Variants in MOB3B observed in about 807,000 individuals in gnomAD.
The protein encoded by MOB3B is MOB kinase activator-like 2B.
Under a neutral mutation model 18.7 loss-of-function variants are expected in MOB3B, and 7 were observed. That is an observed-to-expected ratio of 0.37 (90% confidence interval 0.21 to 0.70). The LOEUF is 0.70. Among genes scored for constraint, MOB3B ranks in the 30% least tolerant of loss-of-function variants. The pLI is 0.52. For synonymous variants in MOB3B, 111 were observed against 99.9 expected, an observed-to-expected ratio of 1.11 and a Z score of -0.66; for missense variants, 253 against 281.3, an observed-to-expected ratio of 0.90 and a Z score of 0.72.
At chr9:27,499,058 A>C (rs982481939) in intron 1 of MOB3B, among the ~76,000 whole-genome samples, 8 of 152,242 alleles carry the variant, frequency 5.3e-5, no homozygotes, top group Non-Finnish European at 8.8e-5. Flanking sequence ...AAGAACCATG[A>C]ATTTAAATTC....
At chr9:27,496,962 T>C (rs1460646521) in intron 1 of MOB3B, among the ~76,000 whole-genome samples, 1 of 152,248 alleles carries the variant, frequency 6.6e-6, no homozygotes, top group African/African-American at 2.4e-5. Context: ...CGATGGTTAA[T>C]ATGGCCCACA....
intron 2 of MOB3B, among the ~76,000 whole-genome samples, chr9:27,444,291 G>T (rs1360821209): frequency 7.9e-6 from 1 of 126,056 alleles, no homozygotes; most frequent in Non-Finnish European, 1.7e-5. Flanking sequence ...AGGGAGGGAA[G>T]GAAGGAAGGA....
chr9:27,366,586 G>C (rs1275838188), intron 2 of MOB3B, among the ~76,000 whole-genome samples: 2 of 152,196 alleles, frequency 1.3e-5, no homozygotes, highest in Non-Finnish European at 2.9e-5. Context: ...GGTTGACGAA[G>C]GTCCAGGAGA....
chr9:27,328,515 A>G lies in MOB3B; in HGVS notation c.*2072T>C, dbSNP rs998000488. The G allele has an allele frequency of 2.6e-5, 4 of 152,248 alleles. No individual in the cohort carries two copies. Among genetic ancestry groups the G allele is most frequent in the African/African-American group, 9.6e-5 (4 of 41,466 alleles). 9.4% of individuals were successfully genotyped at this position (152,248 alleles called of 1,614,324 possible). ...AGATTTGGATTTTTAAATTGAGTGGAAATTTCATATGCACAGTTAATAAAA... is the reference window on the plus strand; with the variant it reads ...AGATTTGGATTTTTAAATTGAGTGGGAATTTCATATGCACAGTTAATAAAA... On this transcript the variant is annotated 3_prime_UTR_variant, in exon 4 of 4. Coordinates refer to ENST00000262244, the MANE Select transcript of MOB3B (RefSeq NM_024761.5).
chr9:27,411,133 G>A (rs1476292925), intron 2 of MOB3B, among the ~76,000 whole-genome samples: 2 of 152,178 alleles, frequency 1.3e-5, no homozygotes, highest in Admixed American at 6.6e-5. Context: ...ATACAATGAT[G>A]TATCCCTAGA....
intron 2 of MOB3B, among the ~76,000 whole-genome samples, chr9:27,440,630 A>G (rs1563869244): frequency 6.6e-6 from 1 of 152,278 alleles, no homozygotes; most frequent in East Asian, 1.9e-4. Flanking sequence ...CAATTTTAAG[A>G]TATTTTCTGT....
intron 3 of MOB3B, among the ~76,000 whole-genome samples, chr9:27,332,401 G>A (rs1007051108): frequency 6.6e-6 from 1 of 152,240 alleles, no homozygotes; most frequent in African/African-American, 2.4e-5. Context: ...GAGAGAAAGT[G>A]TGTTCATGGG....
chr9:27,469,855 G>A (rs758664968), intron 1 of MOB3B, among the ~76,000 whole-genome samples: 21 of 152,076 alleles, frequency 1.4e-4, no homozygotes, highest in Non-Finnish European at 2.9e-5. Flanking sequence ...GGAAGCCAAG[G>A]CAGGAGGATC....
chr9:27,342,225 G>C (rs993205173), intron 3 of MOB3B, among the ~76,000 whole-genome samples: 3 of 152,134 alleles, frequency 2.0e-5, no homozygotes, highest in African/African-American at 7.2e-5. Context: ...AGACTCTCTA[G>C]TTTTGACCCA....
At chr9:27,517,712 T>A (rs1247539119) in intron 1 of MOB3B, among the ~76,000 whole-genome samples, 1 of 148,196 alleles carries the variant, frequency 6.7e-6, no homozygotes, top group Admixed American at 6.7e-5. Context: ...TCAATTTAGA[T>A]TAAAATATAC....
At chr9:27,465,572 T>G (rs564389292) in intron 1 of MOB3B, among the ~76,000 whole-genome samples, 1 of 152,346 alleles carries the variant, frequency 6.6e-6, no homozygotes, top group South Asian at 2.1e-4. Context: ...GTAGGGACTC[T>G]GTGTGGGGGC....
intron 2 of MOB3B, among the ~76,000 whole-genome samples, chr9:27,370,826 T>C (rs566621554): frequency 3.9e-5 from 6 of 152,330 alleles, no homozygotes; most frequent in Admixed American, 3.9e-4. Flanking sequence ...TGGGTTCCCC[T>C]TACTTTTCCC....
chr9:27,331,278 G>A (rs373094298), intron 3 of MOB3B, among the ~76,000 whole-genome samples: 6 of 152,186 alleles, frequency 3.9e-5, no homozygotes, highest in Admixed American at 2.6e-4. Context: ...CCTATGGTCC[G>A]CTGCTACCAC....
chr9:27,437,808 T>C (rs1279579023), intron 2 of MOB3B, among the ~76,000 whole-genome samples: 1 of 152,204 alleles, frequency 6.6e-6, no homozygotes. Context: ...CAGTTTTTTA[T>C]CATGTCAGTT....
rs74178385 is a variant in MOB3B, at chr9:27,403,516, ATTTTTTTTTT to A, written c.419-44290_419-44281del. On this transcript the variant is annotated intron_variant, in intron 2 of 3. Transcript: ENST00000262244. ...TAATGCTTGGTCTGGCTCTTTACTA[ATTTTTTTTTT>A]TTTTTTTTTTTTTTTTTTTTTTAAG... is the stretch of plus-strand genomic sequence containing the variant. Among the ~76,000 whole-genome samples the A allele has an allele frequency of 3.3e-4, 26 of 79,630 alleles. 2 individuals are homozygous for A. The highest frequency in any genetic ancestry group is 4.5e-4 in the African/African-American group (10 of 22,276). 52.2% of individuals were successfully genotyped at this position (79,630 alleles called of 152,430 possible).
chr9:27,421,526 A>C (rs931035740), intron 2 of MOB3B: 2 of 152,426 alleles, frequency 1.3e-5, no homozygotes, highest in African/African-American at 4.8e-5. Flanking sequence ...TCTACAAAGC[A>C]GCCAGAGTAG....
At chr9:27,330,676 G>C in intron 3 of MOB3B, 60 bp from the exon 4 acceptor site, 1 of 1,608,504 alleles carries the variant, frequency 6.2e-7, no homozygotes, top group Non-Finnish European at 8.5e-7. Flanking sequence ...ACGATTTGGT[G>C]AAGGATCCTG....
intron 3 of MOB3B, among the ~76,000 whole-genome samples, chr9:27,344,398 T>C (rs2131342438): frequency 6.6e-6 from 1 of 152,332 alleles, no homozygotes; most frequent in East Asian, 1.9e-4. Context: ...CTTCTTTTAA[T>C]GCAAAATGCC....
At chr9:27,472,394 G>A (rs1266436768) in intron 1 of MOB3B, among the ~76,000 whole-genome samples, 1 of 152,052 alleles carries the variant, frequency 6.6e-6, no homozygotes, top group East Asian at 1.9e-4. Flanking sequence ...GCGCAGGGCT[G>A]AGCCAAACCC....
Sources: allele counts gnomAD v4.1 joint callset (sites outside exome capture counted in the v4.1 genomes callset), GRCh38; gene constraint gnomAD v4.1.1; transcripts MANE v1.5; gene names NCBI Gene and HGNC (gene_info 2026-07-23, HGNC 2026-07-21).